Variants in RRH observed in about 807,000 individuals in gnomAD.
RRH encodes visual pigment-like receptor peropsin.
In RRH, 36 loss-of-function variants were observed where a neutral mutation model predicts 33.1. The observed-to-expected ratio is 1.09, with a 90% CI of 0.83 to 1.44. The LOEUF is 1.44. Ranked by LOEUF, RRH falls within the 40% of genes most tolerant of loss-of-function variation. The pLI is 0.00. For missense variants in RRH, 393 were observed against 420.2 expected, an observed-to-expected ratio of 0.94 and a Z score of 0.57; for synonymous variants, 124 against 140.2, an observed-to-expected ratio of 0.88 and a Z score of 0.82.
chr4:109,842,647 A>G lies in RRH; in HGVS notation c.899A>G (p.Lys300Arg), dbSNP rs1734007860. 1 of 1,610,224 alleles carries G rather than the reference A, an allele frequency of 6.2e-7. No homozygotes were observed. The highest frequency in any genetic ancestry group is 1.7e-5 in the Admixed American group (1 of 60,010). Residue 300 changes from lysine to arginine, a missense_variant and splice_region_variant, in exon 6 of 7, where the codon AAG becomes AGG. Physicochemically the swap from Lys to Arg is conservative, Grantham distance 26. Transcript: ENST00000317735. Reference protein sequence around the residue: ...NPCIYVVANKKFRRAMLAMFK... With the variant: ...NPCIYVVANKRFRRAMLAMFK... ...TGCATTTATGTGGTTGCTAATAAAA[A>G]GTAAGTAATGTCTAAAATGCTTGCA...
rs1355738804 is a variant in RRH, at chr4:109,842,715, G to A, written c.899+68G>A. Reference sequence around the variant, plus strand: ...TATAAAAAGAATGTTAAGACTTCTTGGGAGAGAAGTGACAGAAACCCACTT... The same window carrying A: ...TATAAAAAGAATGTTAAGACTTCTTAGGAGAGAAGTGACAGAAACCCACTT... On this transcript the variant is annotated intron_variant, in intron 6 of 6. Transcript: ENST00000317735. 2.9e-6 allele frequency: 4 copies of A among 1,398,152 alleles called. No homozygotes were observed. The African/African-American group carries it at 5.7e-5, about 20-fold the overall frequency. The allele number at this position is 1,398,152 out of a possible 1,614,324, so 86.6% of individuals were successfully genotyped here. A position where few individuals can be genotyped will look rare whatever the true frequency, so the allele number is the denominator to read the frequency against.
At chr4:109,831,676 A>T (rs1733754133) in intron 1 of RRH, among the ~76,000 whole-genome samples, 1 of 152,148 alleles carries the variant, frequency 6.6e-6, no homozygotes, top group Non-Finnish European at 1.5e-5. Context: ...AGCATGGTGT[A>T]TCTGGGCAAA....
chr4:109,837,388 C>T, intron 4 of RRH, 49 bp from the exon 5 acceptor site: 1 of 1,471,006 alleles, frequency 6.8e-7, no homozygotes, highest in Non-Finnish European at 9.5e-7. Flanking sequence ...CTCCTTCCCC[C>T]ACTTAGGACA....
rs1240303557 is a variant in RRH, at chr4:109,837,671, T to A, written c.720+66T>A. On this transcript the variant is annotated intron_variant, in intron 5 of 6. Coordinates refer to ENST00000317735, the MANE Select transcript of RRH (RefSeq NM_006583.5). Reference sequence around the variant, plus strand: ...TTTTACCCACTCATAGTTGAAAGAGTCCCTGGGACCACCGCAGTCTTCTCT... The same window carrying A: ...TTTTACCCACTCATAGTTGAAAGAGACCCTGGGACCACCGCAGTCTTCTCT... 2.4e-6 allele frequency: 3 copies of A among 1,276,194 alleles called. No homozygotes were observed. The African/African-American group carries it at 4.4e-5, about 19-fold the overall frequency. The allele number at this position is 1,276,194 out of a possible 1,614,324, so 79.1% of individuals were successfully genotyped here. A position where few individuals can be genotyped will look rare whatever the true frequency, so the allele number is the denominator to read the frequency against.
intron 4 of RRH, among the ~76,000 whole-genome samples, chr4:109,836,889 T>TCCAAAAAAGAAAAAAA (rs1733894534): frequency 6.7e-4 from 8 of 11,902 alleles, no homozygotes; most frequent in African/African-American, 3.1e-3. Flanking sequence ...ACCCTGTCTC[T>TCCAAAAAAGAAAAAAA]ACAAAAAAAA....
At chr4:109,831,070 A>G (rs1733740230) in intron 1 of RRH, among the ~76,000 whole-genome samples, 1 of 152,176 alleles carries the variant, frequency 6.6e-6, no homozygotes, top group Non-Finnish European at 1.5e-5. Flanking sequence ...GAATAGAGAA[A>G]AGGGCTAAAC....
In RRH at chr4:109,842,460, T is replaced by C; in HGVS notation, c.721-9T>C. ...GTATTGGGCTTGGTGAATATTTATT[T>C]CTTTTCAGATGTCTGTGATCATGAT... On this transcript the variant is annotated splice_polypyrimidine_tract_variant and intron_variant, in intron 5 of 6. Transcript: ENST00000317735. 6.2e-7 allele frequency: 1 copy of C among 1,613,568 alleles called. No homozygotes were observed. The highest frequency in any genetic ancestry group is 8.5e-7 in the Non-Finnish European group (1 of 1,179,506).
At position 109,844,300 on chromosome 4, in the gene RRH, C is replaced by A; in HGVS notation, c.*103C>A. ...ATCAAGTGCAGACATGGATCATTGT[C>A]CTATGAGAGTGTAAGCTCCTCAAGC... On this transcript the variant is annotated 3_prime_UTR_variant, in exon 7 of 7. Transcript: ENST00000317735. The A allele has an allele frequency of 1.3e-6, 1 of 759,066 alleles. No homozygotes were observed. The highest frequency in any genetic ancestry group is 2.3e-6 in the Non-Finnish European group (1 of 431,702). 47.0% of individuals were successfully genotyped at this position (759,066 alleles called of 1,614,324 possible).
intron 1 of RRH, among the ~76,000 whole-genome samples, chr4:109,828,960 T>TG (rs1202727412): frequency 1.3e-5 from 2 of 152,082 alleles, no homozygotes; most frequent in Non-Finnish European, 2.9e-5. Context: ...AAAAAAGGGA[T>TG]GGGGGAATGA....
intron 1 of RRH, among the ~76,000 whole-genome samples, chr4:109,832,636 A>G (rs1192476977): frequency 6.6e-6 from 1 of 152,002 alleles, no homozygotes; most frequent in East Asian, 1.9e-4. Flanking sequence ...GTTCAATGAA[A>G]AAAGAAGATA....
Position 109,835,993 on chromosome 4 carries a change from G to C in RRH, c.398-14G>C. ...ATGGCAAATGTTGCTAATATTTCCT[G>C]TGCTTGATAATAGGGAGAAGAATGA... On this transcript the variant is annotated splice_polypyrimidine_tract_variant and intron_variant, in intron 3 of 6. Transcript: ENST00000317735. The C allele has an allele frequency of 1.9e-6, 3 of 1,614,068 alleles. No homozygotes were observed. The highest frequency in any genetic ancestry group is 1.1e-5 in the South Asian group (1 of 91,076).
At chr4:109,843,716 TAAA>T (rs1734026159) in intron 6 of RRH, among the ~76,000 whole-genome samples, 1 of 152,234 alleles carries the variant, frequency 6.6e-6, no homozygotes, top group Non-Finnish European at 1.5e-5. Flanking sequence ...TTAGTTCAAA[TAAA>T]CAACTCATGG....
At chr4:109,838,214 A>T (rs545667874) in intron 5 of RRH, among the ~76,000 whole-genome samples, 1 of 152,224 alleles carries the variant, frequency 6.6e-6, no homozygotes, top group South Asian at 2.1e-4. Context: ...CTCCTCCTCC[A>T]CACCTTTCTC....
intron 5 of RRH, among the ~76,000 whole-genome samples, chr4:109,841,533 T>A (rs7442158): frequency 0.72 from 109,980 of 151,922 alleles, 41,828 homozygotes; most frequent in Non-Finnish European, 0.86. Flanking sequence ...CTTTGTAGAT[T>A]TCAACCAGTT....
Position 109,842,707 on chromosome 4 carries a change from G to A in RRH, c.899+60G>A. On this transcript the variant is annotated intron_variant, in intron 6 of 6. Coordinates refer to ENST00000317735, the MANE Select transcript of RRH (RefSeq NM_006583.5). ...AAAACTGATATAAAAAGAATGTTAA[G>A]ACTTCTTGGGAGAGAAGTGACAGAA... 2.7e-6 allele frequency: 4 copies of A among 1,455,818 alleles called. No individual in the cohort carries two copies. The South Asian group carries it at 4.6e-5, about 17-fold the overall frequency. 90.2% of individuals were successfully genotyped at this position (1,455,818 alleles called of 1,614,324 possible).
intron 1 of RRH, among the ~76,000 whole-genome samples, chr4:109,828,421 C>A (rs1733682353): frequency 6.6e-6 from 1 of 152,006 alleles, no homozygotes; most frequent in Non-Finnish European, 1.5e-5. Flanking sequence ...TGAAGTGGGG[C>A]TGAGAAAAGT....
At chr4:109,841,441 C>T (rs940707337) in intron 5 of RRH, among the ~76,000 whole-genome samples, 2 of 151,612 alleles carry the variant, frequency 1.3e-5, no homozygotes, top group Non-Finnish European at 2.9e-5. Context: ...TATACTGAGC[C>T]TCTGGAAGTC....
chr4:109,835,306 A>G, intron 2 of RRH, 60 bp from the exon 3 acceptor site: 1 of 1,180,892 alleles, frequency 8.5e-7, no homozygotes, highest in East Asian at 2.3e-5. Flanking sequence ...ATGGACAAAA[A>G]TTTAATGTTT....
chr4:109,843,686 G>A (rs978864709), intron 6 of RRH, among the ~76,000 whole-genome samples: 1 of 152,346 alleles, frequency 6.6e-6, no homozygotes, highest in East Asian at 1.9e-4. Flanking sequence ...AGGAAGAACA[G>A]ATGGATGAAA....
Sources: gnomAD v4.1 joint callset for allele counts (sites outside exome capture counted in the v4.1 genomes callset) on GRCh38, gnomAD v4.1.1 for gene constraint, MANE v1.5 for transcripts, NCBI Gene and HGNC (gene_info 2026-07-23, HGNC 2026-07-21) for gene names.